Variants in TRIM44 observed in about 807,000 individuals in gnomAD.
TRIM44 encodes the protein tripartite motif-containing protein 44.
In TRIM44, 13 loss-of-function variants were observed where a neutral mutation model predicts 37.4. The observed-to-expected ratio is 0.35, with a 90% confidence interval of 0.23 to 0.55. The LOEUF is 0.55. Ranked by LOEUF, TRIM44 falls within the 20% of genes least tolerant of loss-of-function variation. TRIM44 has a pLI of 0.89. For synonymous variants in TRIM44, 175 were observed against 157.2 expected (o/e 1.11, Z -0.85); for missense variants, 426 against 437.2 (o/e 0.97, Z 0.23).
At chr11:35,774,746 T>A (rs180877708) in intron 4 of TRIM44, among the ~76,000 whole-genome samples, 42 of 152,352 alleles carry the variant, frequency 2.8e-4, no homozygotes, top group Non-Finnish European at 4.1e-4. Context: ...ATTGCTTGTT[T>A]TTGTCAGGGT....
intron 2 of TRIM44, among the ~76,000 whole-genome samples, chr11:35,696,251 C>G (rs1343047387): frequency 6.6e-6 from 1 of 151,160 alleles, no homozygotes; most frequent in East Asian, 2.0e-4. Flanking sequence ...ATGCCATTCT[C>G]CTGCCTCAGC....
At chr11:35,663,889 A>G in intron 1 of TRIM44, 109 bp downstream of exon 1, 1 of 1,336,728 alleles carries the variant, frequency 7.5e-7, no homozygotes, top group Non-Finnish European at 1.0e-6. Flanking sequence ...CTAAGAAGCT[A>G]GTCTTTCCAA....
intron 1 of TRIM44, among the ~76,000 whole-genome samples, chr11:35,673,937 T>G (rs1439581267): frequency 1.3e-5 from 2 of 151,932 alleles, no homozygotes; most frequent in African/African-American, 4.8e-5. Context: ...TTCATCTGTA[T>G]CAGTGCCTCG....
chr11:35,708,399 A>G lies in TRIM44; in HGVS notation c.748-17525A>G, dbSNP rs1304684321. On this transcript the variant is annotated intron_variant, in intron 2 of 4. Coordinates refer to ENST00000299413, the MANE Select transcript of TRIM44 (RefSeq NM_017583.6). ...ACTAGAAATACCATTTGACCCAGCCATCCCATTACTGGGTATGTACCCAAA... is the reference window on the plus strand; with the variant it reads ...ACTAGAAATACCATTTGACCCAGCCGTCCCATTACTGGGTATGTACCCAAA... Among the ~76,000 whole-genome samples the G allele has an allele frequency of 6.6e-5, 10 of 152,048 alleles. No individual in the cohort carries two copies. The East Asian group carries it at 1.8e-3, about 27-fold the overall frequency.
At chr11:35,734,833 A>G (rs1204425811) in intron 3 of TRIM44, among the ~76,000 whole-genome samples, 5 of 152,256 alleles carry the variant, frequency 3.3e-5, no homozygotes, top group African/African-American at 4.8e-5. Flanking sequence ...AAATGCCAGA[A>G]CTAACCACTT....
chr11:35,793,257 G>T (rs191144144), intron 4 of TRIM44, among the ~76,000 whole-genome samples: 36 of 151,998 alleles, frequency 2.4e-4, no homozygotes, highest in Non-Finnish European at 4.4e-5. Flanking sequence ...AGGCATAATG[G>T]CTCACACGTG....
At chr11:35,729,068 G>A (rs1256949511) in intron 3 of TRIM44, among the ~76,000 whole-genome samples, 1 of 152,058 alleles carries the variant, frequency 6.6e-6, no homozygotes, top group Non-Finnish European at 1.5e-5. Flanking sequence ...AGGGACCTTG[G>A]GATTTGAGAG....
At chr11:35,750,516 TA>T (rs1852547187) in intron 4 of TRIM44, among the ~76,000 whole-genome samples, 1 of 152,180 alleles carries the variant, frequency 6.6e-6, no homozygotes, top group African/African-American at 2.4e-5. Context: ...CATGATGCAA[TA>T]AAGACTTTGA....
At chr11:35,732,847 G>T (rs960957057) in intron 3 of TRIM44, among the ~76,000 whole-genome samples, 8 of 152,050 alleles carry the variant, frequency 5.3e-5, no homozygotes, top group Non-Finnish European at 1.2e-4. Context: ...TATTCAAAAC[G>T]GCTTTATAAT....
chr11:35,742,973 A>G (rs908767075), intron 4 of TRIM44, among the ~76,000 whole-genome samples: 3 of 151,782 alleles, frequency 2.0e-5, no homozygotes, highest in Non-Finnish European at 2.9e-5. Context: ...CCAGACTGCA[A>G]GCTCTTAACT....
intron 2 of TRIM44, among the ~76,000 whole-genome samples, chr11:35,718,883 C>CTT (rs60798593): frequency 7.0e-6 from 1 of 143,204 alleles, no homozygotes; most frequent in Non-Finnish European, 1.5e-5. Flanking sequence ...GACCTGATAG[C>CTT]TTTTTTTTTT....
At chr11:35,761,792 A>G (rs1369572207) in intron 4 of TRIM44, among the ~76,000 whole-genome samples, 1 of 152,222 alleles carries the variant, frequency 6.6e-6, no homozygotes, top group Admixed American at 6.5e-5. Flanking sequence ...TCTCCTATGC[A>G]TGTCTCCTCT....
rs1433306625 is a variant in TRIM44, at chr11:35,809,815, G to A, written c.*3430G>A. The A allele has an allele frequency of 6.6e-6, 1 of 152,046 alleles. No homozygotes were observed. The highest frequency in any genetic ancestry group is 6.6e-5 in the Admixed American group (1 of 15,264). 9.4% of individuals were successfully genotyped at this position (152,046 alleles called of 1,614,324 possible). ...CCTGGTTTTAGTGTGTGTGTCGGGG[G>A]AGTGTGTACCTATATATAAAGGACA... is the stretch of plus-strand genomic sequence containing the variant. On this transcript the variant is annotated 3_prime_UTR_variant, in exon 5 of 5. Coordinates refer to ENST00000299413, the MANE Select transcript of TRIM44 (RefSeq NM_017583.6).
In TRIM44 at chr11:35,782,812, T is replaced by C. The variant is rs146981378; in HGVS notation, c.1008-23546T>C. ...ACAAATACTTAACTCTTCTCCGGAG[T>C]AGAAGTTAGCAAGGAGAGTGAGTTG... On this transcript the variant is annotated intron_variant, in intron 4 of 4. Transcript: ENST00000299413. Among the ~76,000 whole-genome samples, 1,298 of 152,150 alleles carry C rather than the reference T, an allele frequency of 8.5e-3. 7 individuals are homozygous for C. The highest frequency in any genetic ancestry group is 0.013 in the Non-Finnish European group (861 of 67,986).
intron 1 of TRIM44, among the ~76,000 whole-genome samples, chr11:35,681,710 A>T (rs1003535148): frequency 1.3e-5 from 2 of 152,164 alleles, no homozygotes; most frequent in African/African-American, 4.8e-5. Flanking sequence ...TCACTTCTCA[A>T]TTAGAACTCA....
At chr11:35,740,320 A>T (rs572222834) in intron 4 of TRIM44, among the ~76,000 whole-genome samples, 2 of 152,088 alleles carry the variant, frequency 1.3e-5, no homozygotes, top group South Asian at 4.1e-4. Flanking sequence ...TGGCAATAGG[A>T]TCTGTTGGCG....
At chr11:35,678,986 G>T (rs2135487546) in intron 1 of TRIM44, among the ~76,000 whole-genome samples, 1 of 149,316 alleles carries the variant, frequency 6.7e-6, no homozygotes, top group African/African-American at 2.5e-5. Context: ...AAGTTGGATT[G>T]ATTTTTTTTT....
chr11:35,775,070 T>A (rs1852937159), intron 4 of TRIM44, among the ~76,000 whole-genome samples: 1 of 152,244 alleles, frequency 6.6e-6, no homozygotes, highest in Admixed American at 6.5e-5. Flanking sequence ...AGTATGGCCA[T>A]TTTCATGATA....
rs192232885 is a variant in TRIM44 at position 35,808,704 on chromosome 11, G to A, written c.*2319G>A. ...CAGATTTGCTTTATAGACTCCTGCT[G>A]TCTTCAGTACCTGATAAAACTTTAA... On this transcript the variant is annotated 3_prime_UTR_variant, in exon 5 of 5. Transcript: ENST00000299413. The A allele has an allele frequency of 2.4e-4, 36 of 152,336 alleles. No individual in the cohort carries two copies. The East Asian group carries it at 6.7e-3, about 29-fold the overall frequency. 9.4% of individuals were successfully genotyped at this position (152,336 alleles called of 1,614,324 possible).
Sources: gnomAD v4.1 joint callset for allele counts (sites outside exome capture counted in the v4.1 genomes callset) on GRCh38, gnomAD v4.1.1 for gene constraint, MANE v1.5 for transcripts, NCBI Gene and HGNC (gene_info 2026-07-23, HGNC 2026-07-21) for gene names.